Variants in PHLPP1 observed in about 807,000 individuals in gnomAD.
The protein encoded by PHLPP1 is PH domain and leucine rich repeat protein phosphatase 1.
PHLPP1 carries 42 observed loss-of-function variants against 117.2 expected under a neutral mutation model. The observed-to-expected ratio is 0.36, with a 90% CI of 0.28 to 0.46. PHLPP1 has a LOEUF of 0.46. Among genes scored for constraint, PHLPP1 ranks in the 20% least tolerant of loss-of-function variants. The pLI, the probability that PHLPP1 is intolerant of heterozygous loss-of-function variation, is 1.00. For synonymous variants in PHLPP1, 1,042 were observed against 970.7 expected, an observed-to-expected ratio of 1.07 and a Z score of -1.37; for missense variants, 2,084 against 2,241.9, an observed-to-expected ratio of 0.93 and a Z score of 1.42.
intron 1 of PHLPP1, among the ~76,000 whole-genome samples, chr18:62,771,262 A>T (rs904589936): frequency 6.6e-6 from 1 of 151,896 alleles, no homozygotes; most frequent in African/African-American, 2.4e-5. Flanking sequence ...TCAGCCATCC[A>T]TGTGGATCAT....
chr18:62,945,902 T>C (rs971791908), intron 12 of PHLPP1, among the ~76,000 whole-genome samples: 3 of 152,274 alleles, frequency 2.0e-5, no homozygotes, highest in African/African-American at 7.2e-5. Context: ...AAATCCTGAC[T>C]GCTGACTTGA....
chr18:62,919,843 A>G (rs1909408170), intron 9 of PHLPP1, 116 bp from the exon 10 acceptor site: 1 of 732,682 alleles, frequency 1.4e-6, no homozygotes, highest in African/African-American at 1.8e-5. Context: ...TCAAGTTTGA[A>G]TTTATATTAA....
chr18:62,781,406 A>G (rs1913116122), intron 1 of PHLPP1, among the ~76,000 whole-genome samples: 1 of 152,152 alleles, frequency 6.6e-6, no homozygotes, highest in South Asian at 2.1e-4. Context: ...TGTCTGCTTC[A>G]TCTTACGTGT....
intron 1 of PHLPP1, among the ~76,000 whole-genome samples, chr18:62,780,004 A>G (rs1244709536): frequency 6.6e-6 from 1 of 152,200 alleles, no homozygotes; most frequent in East Asian, 1.9e-4. Flanking sequence ...ATAAAATAAT[A>G]GAGTTGAATG....
chr18:62,828,174 T>C (rs1914661563), intron 1 of PHLPP1, among the ~76,000 whole-genome samples: 1 of 152,108 alleles, frequency 6.6e-6, no homozygotes, highest in Non-Finnish European at 1.5e-5. Context: ...TGTCTTTTCT[T>C]CTCTCTTACT....
At chr18:62,947,855 G>C in intron 12 of PHLPP1, among the ~76,000 whole-genome samples, 1 of 151,792 alleles carries the variant, frequency 6.6e-6, no homozygotes, top group Non-Finnish European at 1.5e-5. Flanking sequence ...GTGAAACTCT[G>C]TCTCTACTAA....
chr18:62,787,891 A>T (rs950759226), intron 1 of PHLPP1, among the ~76,000 whole-genome samples: 1 of 152,306 alleles, frequency 6.6e-6, no homozygotes, highest in East Asian at 1.9e-4. Context: ...ATGTGTGGGT[A>T]ATCCAGTGGG....
At chr18:62,877,516 G>A (rs1362848293) in intron 4 of PHLPP1, among the ~76,000 whole-genome samples, 1 of 152,232 alleles carries the variant, frequency 6.6e-6, no homozygotes, top group African/African-American at 2.4e-5. Flanking sequence ...CACAAATGCT[G>A]CTCAGGGTTA....
chr18:62,771,720 T>A (rs1237542266), intron 1 of PHLPP1, among the ~76,000 whole-genome samples: 3 of 152,238 alleles, frequency 2.0e-5, no homozygotes, highest in Non-Finnish European at 1.5e-5. Context: ...TAGAGTCATC[T>A]GCGTCGTTAA....
chr18:62,963,309 A>C, intron 13 of PHLPP1, 59 bp from the exon 14 acceptor site: 2 of 1,074,808 alleles, frequency 1.9e-6, no homozygotes, highest in Non-Finnish European at 2.8e-6. Flanking sequence ...GGATAAAGGT[A>C]GCAATTTGCA....
chr18:62,842,719 G>A (rs927620187), intron 3 of PHLPP1, among the ~76,000 whole-genome samples: 12 of 152,128 alleles, frequency 7.9e-5, no homozygotes, highest in African/African-American at 2.9e-4. Context: ...TTAAAAACCA[G>A]ATATATATTT....
intron 1 of PHLPP1, among the ~76,000 whole-genome samples, chr18:62,760,629 A>G (rs1441500402): frequency 6.6e-6 from 1 of 152,184 alleles, no homozygotes; most frequent in South Asian, 2.1e-4. Context: ...GTCTTGGTGC[A>G]AGGCTCTCTC....
chr18:62,742,874 C>A (rs1351994492), intron 1 of PHLPP1, among the ~76,000 whole-genome samples: 1 of 152,162 alleles, frequency 6.6e-6, no homozygotes, highest in East Asian at 1.9e-4. Context: ...ATTCCAGCTT[C>A]CCGTAACTCA....
chr18:62,890,535 G>T (rs1916381423), intron 4 of PHLPP1, among the ~76,000 whole-genome samples: 1 of 152,076 alleles, frequency 6.6e-6, no homozygotes, highest in African/African-American at 2.4e-5. Flanking sequence ...CAAAGTGCTG[G>T]GATTACAGGC....
intron 1 of PHLPP1, among the ~76,000 whole-genome samples, chr18:62,736,316 C>T (rs548648653): frequency 6.6e-6 from 1 of 152,150 alleles, no homozygotes; most frequent in African/African-American, 2.4e-5. Context: ...GTTTCATCTG[C>T]ATGGTGGGAG....
intron 1 of PHLPP1, among the ~76,000 whole-genome samples, chr18:62,741,476 A>G (rs1041737917): frequency 1.3e-5 from 2 of 152,140 alleles, no homozygotes; most frequent in Non-Finnish European, 2.9e-5. Flanking sequence ...CTGCCTTTTC[A>G]GAAGCTTAAG....
intron 1 of PHLPP1, among the ~76,000 whole-genome samples, chr18:62,800,159 A>G (rs1043348017): frequency 6.6e-6 from 1 of 152,034 alleles, no homozygotes; most frequent in Non-Finnish European, 1.5e-5. Context: ...GAGAATAGAT[A>G]CCCTTGACCA....
chr18:62,849,607 A>G (rs1915268829), intron 3 of PHLPP1, among the ~76,000 whole-genome samples: 1 of 141,412 alleles, frequency 7.1e-6, no homozygotes, highest in Admixed American at 7.4e-5. Context: ...CCAAGATCGC[A>G]CCATTGCACT....
rs915622393 is a variant in PHLPP1, at chr18:62,960,010, T to G, written c.3455+1251T>G. Among the ~76,000 whole-genome samples the G allele has an allele frequency of 7.9e-5, 12 of 152,338 alleles. No individual in the cohort carries two copies. In the East Asian group the frequency reaches 2.3e-3, roughly 29 times the overall value. ...GAGAAAAAAAATGGCCTACGTGATC[T>G]TTAAGGTACTTTTTAAGATCAAGAA... On this transcript the variant is annotated intron_variant, in intron 13 of 16. Coordinates refer to ENST00000262719, the MANE Select transcript of PHLPP1 (RefSeq NM_194449.4).
Sources: allele counts gnomAD v4.1 joint callset (sites outside exome capture counted in the v4.1 genomes callset), GRCh38; gene constraint gnomAD v4.1.1; transcripts MANE v1.5; gene names NCBI Gene and HGNC (gene_info 2026-07-23, HGNC 2026-07-21).